Variants in ATP13A2 observed in about 807,000 individuals in gnomAD.
ATP13A2 encodes ATPase cation transporting 13A2, also known as polyamine-transporting ATPase 13A2.
Under a neutral mutation model 138.3 loss-of-function variants are expected in ATP13A2, and 83 were observed. The ratio of observed to expected loss-of-function variants is 0.60; its 90% CI spans 0.50 to 0.72. The LOEUF (loss-of-function observed/expected upper bound fraction) is 0.72. Among genes scored for constraint, ATP13A2 ranks in the 30% least tolerant of loss-of-function variants. The probability of loss-of-function intolerance (pLI) is 0.00; values close to 1 mark genes in which losing one functional copy is unlikely to be tolerated. For missense variants in ATP13A2, 1,402 were observed against 1,606.4 expected, an observed-to-expected ratio of 0.87 and a Z score of 2.17; for synonymous variants, 663 against 699.0, an observed-to-expected ratio of 0.95 and a Z score of 0.81.
chr1:17,011,816 G>A lies in ATP13A2; in HGVS notation c.-78C>T. ...CCCCGGCGTGCGCAAGGCCCTGGGC[G>A]GGGGCGCGGTCCGGACGGCCCGGGG... On this transcript the variant is annotated 5_prime_UTR_variant, in exon 1 of 29. Coordinates refer to ENST00000326735, the MANE Select transcript of ATP13A2 (RefSeq NM_022089.4). The surrounding 1 kb of genome is among the most constrained non-coding windows in gnomAD (Gnocchi z 7.3). 1 of 1,148,442 alleles carries A rather than the reference G, an allele frequency of 8.7e-7. No individual in the cohort carries two copies. The highest frequency in any genetic ancestry group is 1.1e-6 in the Non-Finnish European group (1 of 939,512). 71.1% of individuals were successfully genotyped at this position (1,148,442 alleles called of 1,614,324 possible). A position where few individuals can be genotyped will look rare whatever the true frequency, so the allele number is the denominator to read the frequency against.
intron 1 of ATP13A2, among the ~76,000 whole-genome samples, chr1:17,008,689 G>A (rs1034833030): frequency 2.0e-5 from 3 of 152,116 alleles, no homozygotes; most frequent in Non-Finnish European, 4.4e-5. Context: ...AGTGGCTCAC[G>A]CCTGTAATCC....
At chr1:16,988,595 G>T in intron 23 of ATP13A2, 121 bp from the exon 24 acceptor site, 1 of 1,063,244 alleles carries the variant, frequency 9.4e-7, no homozygotes, top group Non-Finnish European at 1.4e-6. Flanking sequence ...TACAGGAGGC[G>T]CTCAGTGAAT....
rs554700191 is a variant in ATP13A2, at chr1:17,007,526, A to G, written c.11-1748T>C. ...TCTGGGCTCCCTCCTTCATCCCCCA[A>G]TCTGAGCCCTTCTAAAATTTTTCCT... On this transcript the variant is annotated intron_variant, in intron 1 of 28. Transcript: ENST00000326735. Among the ~76,000 whole-genome samples the G allele has an allele frequency of 4.7e-5, 7 of 148,270 alleles. No individual in the cohort carries two copies. In the South Asian group the frequency reaches 1.3e-3, roughly 28 times the overall value.
At chr1:16,997,311 C>T (rs920375770) in intron 11 of ATP13A2, 136 bp from the exon 12 acceptor site, 5 of 1,056,518 alleles carry the variant, frequency 4.7e-6, no homozygotes, top group Non-Finnish European at 7.0e-6. Flanking sequence ...GAAATCACAG[C>T]CCCATTTTAC....
rs2077087451 is a variant in ATP13A2 at position 16,995,509 on chromosome 1, C to T, written c.1542+467G>A. The T allele has an allele frequency of 4.1e-6, 1 of 244,110 alleles. No homozygotes were observed. Among genetic ancestry groups the T allele is most frequent in the African/African-American group, 2.3e-5 (1 of 43,646 alleles). The allele number at this position is 244,110 out of a possible 1,614,324, so 15.1% of individuals were successfully genotyped here. On this transcript the variant is annotated intron_variant, in intron 15 of 28. Transcript: ENST00000326735. This position sits in a 1 kb window ranked among gnomAD's most constrained non-coding sequence, Gnocchi z 4.1. Reference sequence around the variant, plus strand: ...TTTGAGTTTTGCTCTGTCACCCAGGCTGGAGTACAATGGCATGATCTTGGC... The same window carrying T: ...TTTGAGTTTTGCTCTGTCACCCAGGTTGGAGTACAATGGCATGATCTTGGC...
chr1:16,986,610 C>T lies in ATP13A2; in HGVS notation c.3258G>A (p.Ala1086=), dbSNP rs377253172. ...YTNVPFLVAL[A]LLSSVLVGLV... is the part of the protein sequence containing the mutation. ...GGCCCACCAGGACGGAGCTCAGGAGCGCCAGGGCCACCAGGAAGGGCACTG... is the reference window on the plus strand; with the variant it reads ...GGCCCACCAGGACGGAGCTCAGGAGTGCCAGGGCCACCAGGAAGGGCACTG... The change falls in exon 28 of 29, where the codon GCG becomes GCA. Residue 1086 remains alanine, a synonymous_variant. Coordinates refer to ENST00000326735, the MANE Select transcript of ATP13A2 (RefSeq NM_022089.4). This position sits in a 1 kb window ranked among gnomAD's most constrained non-coding sequence, Gnocchi z 6.9. 7.7e-5 allele frequency: 124 copies of T among 1,610,022 alleles called. No homozygotes were observed. The highest frequency in any genetic ancestry group is 5.1e-4 in the African/African-American group (38 of 74,864).
intron 25 of ATP13A2, among the ~76,000 whole-genome samples, chr1:16,987,742 AG>A (rs1021140620): frequency 6.6e-6 from 1 of 152,134 alleles, no homozygotes; most frequent in African/African-American, 2.4e-5. Context: ...AGCTCCTCCA[AG>A]TAGGGTGTGG....
At position 17,002,361 on chromosome 1, in the gene ATP13A2, A is replaced by G. The variant is rs747675147; in HGVS notation, c.570T>C (p.His190=). ...GGTGGACGTCGTCACAAGAGCGGCC[A>G]TGGTCCAGGAGGCTGGGGGTGGGTG... ...QAFYQVSLLD[H]GRSCDDVHRS... The change falls in exon 7 of 29, where the codon CAT becomes CAC. Residue 190 remains histidine, a synonymous_variant. Coordinates refer to ENST00000326735, the MANE Select transcript of ATP13A2 (RefSeq NM_022089.4). 3.1e-6 allele frequency: 5 copies of G among 1,612,980 alleles called. No homozygotes were observed. Among genetic ancestry groups the G allele is most frequent in the African/African-American group, 2.7e-5 (2 of 74,924 alleles).
At position 16,986,758 on chromosome 1, in the gene ATP13A2, TCCTC is replaced by T. The variant is rs1208713156; in HGVS notation, c.3235+43_3235+46del. 3.3e-6 allele frequency: 3 copies of T among 907,684 alleles called. No individual in the cohort carries two copies. The highest frequency in any genetic ancestry group is 4.4e-6 in the Non-Finnish European group (3 of 687,050). The allele number at this position is 907,684 out of a possible 1,614,324, so 56.2% of individuals were successfully genotyped here. A position where few individuals can be genotyped will look rare whatever the true frequency, so the allele number is the denominator to read the frequency against. On this transcript the variant is annotated intron_variant, in intron 27 of 28. Coordinates refer to ENST00000326735, the MANE Select transcript of ATP13A2 (RefSeq NM_022089.4). This position sits in a 1 kb window ranked among gnomAD's most constrained non-coding sequence, Gnocchi z 6.9. ...ATCTGCCTCCCCAGCACCCCAGGGCTCCTCCCTCCCTCCGCCAGCATCTCCCGCC... is the reference window on the plus strand; with the variant it reads ...ATCTGCCTCCCCAGCACCCCAGGGCTCCTCCCTCCGCCAGCATCTCCCGCC...
Position 16,987,257 on chromosome 1 carries a change from G to A in ATP13A2, c.2872C>T (p.Leu958=). Residue 958 remains leucine, a synonymous_variant, in exon 26 of 29, where the codon CTG becomes TTG. Transcript: ENST00000326735. ...ATGGCCAGGAACTGCAGGTCACCCA[G>A]GTTGGTGTTGATCTGCCACAGGGAA... ...VLILYTINTN[L]GDLQFLAIDL... is the part of the protein sequence containing the mutation. 6.2e-7 allele frequency: 1 copy of A among 1,613,810 alleles called. No homozygotes were observed. Among genetic ancestry groups the A allele is most frequent in the Non-Finnish European group, 8.5e-7 (1 of 1,179,830 alleles).
chr1:17,000,898 C>A (rs145136904), intron 8 of ATP13A2: 2 of 237,744 alleles, frequency 8.4e-6, no homozygotes, highest in Non-Finnish European at 8.3e-6. Flanking sequence ...GCTGAGATCG[C>A]GCCACTGCAC....
Position 16,988,465 on chromosome 1 carries a change from C to T in ATP13A2, c.2619G>A (p.Val873=). ...VCELQKLQYC[V]GMCGDGANDC... ...CATTGGCGCCGTCTCCGCACATGCCCACGCAGTACCTGAAGAGAGGTGTGG... is the reference window on the plus strand; with the variant it reads ...CATTGGCGCCGTCTCCGCACATGCCTACGCAGTACCTGAAGAGAGGTGTGG... Residue 873 remains valine, a synonymous_variant, in exon 24 of 29, where the codon GTG becomes GTA. Transcript: ENST00000326735. The T allele has an allele frequency of 6.2e-7, 1 of 1,613,856 alleles. No homozygotes were observed. The highest frequency in any genetic ancestry group is 8.5e-7 in the Non-Finnish European group (1 of 1,180,038).
chr1:16,996,783 TG>T (rs2077142077), intron 12 of ATP13A2: 1 of 648,226 alleles, frequency 1.5e-6, no homozygotes, highest in African/African-American at 1.8e-5. Flanking sequence ...GCTCCAGCAC[TG>T]TAACCCCGGC....
intron 23 of ATP13A2, among the ~76,000 whole-genome samples, chr1:16,989,029 C>T (rs1356640191): frequency 6.6e-6 from 1 of 151,764 alleles, no homozygotes; most frequent in Non-Finnish European, 1.5e-5. Flanking sequence ...GCCCAAGTGC[C>T]CTCAGCCTCT....
chr1:16,997,094 A>T lies in ATP13A2; in HGVS notation c.1121T>A (p.Leu374His), dbSNP rs1270890452. ...CTGCAAGATGAGGGTCCCGCAGAAG[A>T]GTGTGTGCCGCCGGTGTGTCTCTGC... ...YCAETHRRHTLFCGTLILQAR... is the reference protein window; with the variant it reads ...YCAETHRRHTHFCGTLILQAR... The change falls in exon 12 of 29, where the codon CTC becomes CAC. Residue 374 changes from leucine (L) to histidine (H), a missense_variant. Physicochemically the swap from Leu to His is moderately conservative, Grantham distance 99 (BLOSUM62 -3). Transcript: ENST00000326735. 1.2e-6 allele frequency: 2 copies of T among 1,613,538 alleles called. No individual in the cohort carries two copies. The highest frequency in any genetic ancestry group is 1.3e-5 in the African/African-American group (1 of 74,876).
rs772143649 is a variant in ATP13A2, at chr1:16,992,581, C to T, written c.1750G>A (p.Val584Ile). Residue 584 changes from valine to isoleucine, a missense_variant and splice_region_variant, in exon 17 of 29, where the codon GTC (valine) becomes ATC (isoleucine). Coordinates refer to ENST00000326735, the MANE Select transcript of ATP13A2 (RefSeq NM_022089.4). ...DLKMVESTGWVLEEEPAADSA... is the reference protein window; with the variant it reads ...DLKMVESTGWILEEEPAADSA... ...TCTGCAGCCGGCTCTTCCTCCAGGA[C>T]CTGGCAGGCAGGCAGGGAAGTTTGG... The T allele has an allele frequency of 6.2e-7, 1 of 1,614,210 alleles. No individual in the cohort carries two copies. Among genetic ancestry groups the T allele is most frequent in the South Asian group, 1.1e-5 (1 of 91,088 alleles).
rs559635595 is a variant in ATP13A2, at chr1:17,011,888, C to A, written c.-150G>T. 1.1e-4 allele frequency: 78 copies of A among 711,844 alleles called. No homozygotes were observed. In the Middle Eastern group the frequency reaches 2.7e-3, roughly 25 times the overall value. The allele number at this position is 711,844 out of a possible 1,614,324, so 44.1% of individuals were successfully genotyped here. On this transcript the variant is annotated 5_prime_UTR_variant, in exon 1 of 29. Coordinates refer to ENST00000326735, the MANE Select transcript of ATP13A2 (RefSeq NM_022089.4). The surrounding 1 kb of genome is among the most constrained non-coding windows in gnomAD (Gnocchi z 7.3). Reference sequence around the variant, plus strand: ...GGGGCTGGAGCAGGGCTGACGCGGGCGGGGCACCTGGGCCACCAGGCTCGG... The same window carrying A: ...GGGGCTGGAGCAGGGCTGACGCGGGAGGGGCACCTGGGCCACCAGGCTCGG...
Position 17,000,950 on chromosome 1 carries a change from TAAAC to T in ATP13A2, c.706-420_706-417del, listed in dbSNP as rs1333870691. The T allele has an allele frequency of 1.6e-5, 3 of 189,274 alleles. No homozygotes were observed. The Admixed American group carries it at 1.6e-4, about 10-fold the overall frequency. The allele number at this position is 189,274 out of a possible 1,614,324, so 11.7% of individuals were successfully genotyped here. On this transcript the variant is annotated intron_variant, in intron 8 of 28. Transcript: ENST00000326735. Reference sequence around the variant, plus strand: ...GAGGGAGACCCTGTCTCAAAAAAAATAAACAAATAAATAAATAGGATAAGGGTAT... The same window carrying T: ...GAGGGAGACCCTGTCTCAAAAAAAATAAATAAATAAATAGGATAAGGGTAT...
chr1:17,010,086 C>A (rs1480727142), intron 1 of ATP13A2, among the ~76,000 whole-genome samples: 2 of 148,922 alleles, frequency 1.3e-5, no homozygotes, highest in Non-Finnish European at 3.0e-5. Context: ...GGAGTCTTCC[C>A]CCCCCGTTCC....
Sources: allele counts gnomAD v4.1 joint callset (sites outside exome capture counted in the v4.1 genomes callset), GRCh38; gene constraint gnomAD v4.1.1; non-coding constraint Gnocchi (gnomAD v3.1); transcripts MANE v1.5; gene names NCBI Gene and HGNC (gene_info 2026-07-23, HGNC 2026-07-21).